Variants in VGLL4 observed in about 807,000 individuals in gnomAD.
The protein encoded by VGLL4 is vestigial like family member 4, also known as transcription cofactor vestigial-like protein 4.
A neutral mutation model predicts 21.0 loss-of-function variants in VGLL4; 7 were observed. That is an observed-to-expected ratio of 0.33 (90% CI 0.19 to 0.63). The LOEUF (loss-of-function observed/expected upper bound fraction) is 0.63. VGLL4 is among the 20% of genes least tolerant of loss of function. VGLL4 has a pLI of 0.78. For missense variants in VGLL4, 394 were observed against 425.7 expected, an observed-to-expected ratio of 0.93 and a Z score of 0.66; for synonymous variants, 222 against 173.2, an observed-to-expected ratio of 1.28 and a Z score of -2.21.
chr3:11,661,435 T>TTTTA (rs56380247), intron 2 of VGLL4, among the ~76,000 whole-genome samples: 11,786 of 148,054 alleles, frequency 0.08, 481 homozygotes, highest in African/African-American at 0.12. Flanking sequence ...ACATTTTTCC[T>TTTTA]TTTATTTATT....
chr3:11,675,725 G>A (rs1483291579), intron 2 of VGLL4, among the ~76,000 whole-genome samples: 1 of 152,118 alleles, frequency 6.6e-6, no homozygotes, highest in Non-Finnish European at 1.5e-5. Context: ...TTTCTTAAGA[G>A]ATTAGGCAAT....
At chr3:11,705,864 T>C (rs1457369343) in intron 1 of VGLL4, among the ~76,000 whole-genome samples, 5 of 149,314 alleles carry the variant, frequency 3.3e-5, no homozygotes, top group African/African-American at 1.2e-4. Flanking sequence ...GAGCTTGCAG[T>C]GAGCTGAGAT....
rs151220461 is a variant in VGLL4 at position 11,639,628 on chromosome 3, T to A, written c.82+3809A>T. Among the ~76,000 whole-genome samples, 397 of 152,318 alleles carry A rather than the reference T, an allele frequency of 2.6e-3. 1 individual carries two copies. The highest frequency in any genetic ancestry group is 6.8e-3 in the Middle Eastern group (2 of 294). ...TGGCTCACACCTGTAATCCCAGCAC[T>A]TTGGAAGGCCAAGGCGGGCGGATTA... On this transcript the variant is annotated intron_variant, in intron 1 of 4. Coordinates refer to ENST00000430365, the MANE Select transcript of VGLL4 (RefSeq NM_001128219.3).
chr3:11,634,288 G>C (rs2075543225), intron 1 of VGLL4, among the ~76,000 whole-genome samples: 1 of 152,136 alleles, frequency 6.6e-6, no homozygotes, highest in Non-Finnish European at 1.5e-5. Context: ...TGTAGGAGCT[G>C]GAAACCTGGG....
intron 1 of VGLL4, among the ~76,000 whole-genome samples, chr3:11,711,075 A>G (rs1375792892): frequency 4.0e-5 from 6 of 149,844 alleles, no homozygotes; most frequent in African/African-American, 1.5e-4. Context: ...ACTCAGCCTG[A>G]GCAACAGAGT....
chr3:11,681,817 G>A lies in VGLL4; in HGVS notation c.64+21154C>T, dbSNP rs1164840125. Among the ~76,000 whole-genome samples, 3 of 152,320 alleles carry A rather than the reference G, an allele frequency of 2.0e-5. No homozygotes were observed. In the East Asian group the frequency reaches 5.8e-4, roughly 29 times the overall value. The stretch of plus-strand genomic sequence containing the variant: ...GGAGCCAGCGAGTAAGATTCGAGAA[G>A]GGCGTTTCAGGCAGGGAGCATAGCT... On this transcript the variant is annotated intron_variant, in intron 2 of 5. Coordinates refer to the VGLL4 transcript ENST00000273038.
intron 1 of VGLL4, among the ~76,000 whole-genome samples, chr3:11,630,370 C>T (rs1048362123): frequency 2.6e-5 from 4 of 152,074 alleles, no homozygotes; most frequent in Admixed American, 1.3e-4. Flanking sequence ...CCTGGCCGGG[C>T]GTGGTGGCTC....
intron 2 of VGLL4, among the ~76,000 whole-genome samples, chr3:11,661,262 T>C (rs2076033569): frequency 4.0e-5 from 6 of 151,700 alleles, no homozygotes. Context: ...GAAAGAACGA[T>C]CCACATTGAA....
At chr3:11,698,042 G>A (rs966068562) in intron 2 of VGLL4, among the ~76,000 whole-genome samples, 4 of 152,160 alleles carry the variant, frequency 2.6e-5, no homozygotes, top group African/African-American at 4.8e-5. Flanking sequence ...GGAAGTCAGC[G>A]GATGCAATTA....
chr3:11,622,236 C>T (rs1033795157), intron 1 of VGLL4, among the ~76,000 whole-genome samples: 2 of 152,194 alleles, frequency 1.3e-5, no homozygotes, highest in Admixed American at 1.3e-4. Flanking sequence ...ATGCCATTAT[C>T]TTCCCATCCG....
intron 2 of VGLL4, among the ~76,000 whole-genome samples, chr3:11,684,581 A>G (rs1325187551): frequency 6.6e-6 from 1 of 151,870 alleles, no homozygotes; most frequent in Non-Finnish European, 1.5e-5. Flanking sequence ...GGGTTTTGCT[A>G]TTTTGCCCAG....
intron 1 of VGLL4, among the ~76,000 whole-genome samples, chr3:11,717,439 C>T (rs1559961654): frequency 6.7e-6 from 1 of 148,496 alleles, no homozygotes; most frequent in African/African-American, 2.5e-5. Context: ...CCACCAGAGA[C>T]TGGTAACAGG....
At chr3:11,601,783 G>C (rs746315752) in intron 2 of VGLL4, 50 bp downstream of exon 2, 18 of 1,585,084 alleles carry the variant, frequency 1.1e-5, no homozygotes, top group Non-Finnish European at 1.5e-5. Context: ...AAACAAATAA[G>C]GCCCCAGCAC....
intron 2 of VGLL4, among the ~76,000 whole-genome samples, chr3:11,679,688 A>G (rs2076343651): frequency 6.6e-6 from 1 of 152,184 alleles, no homozygotes; most frequent in African/African-American, 2.4e-5. Flanking sequence ...GGCTCAAAAA[A>G]AAGAAGAAAC....
At position 11,673,595 on chromosome 3, in the gene VGLL4, A is replaced by G. The variant is rs574888387; in HGVS notation, c.64+29376T>C. On this transcript the variant is annotated intron_variant, in intron 2 of 5. Coordinates refer to the VGLL4 transcript ENST00000273038. ...GATTGAAGGGGTTTACTGAGTGCCC[A>G]ATATAATAGTTGCTTTTTCTTCTAA... Among the ~76,000 whole-genome samples the G allele has an allele frequency of 1.5e-4, 23 of 152,272 alleles. 2 individuals carry two copies. Among genetic ancestry groups the G allele is most frequent in the African/African-American group, 5.3e-4 (22 of 41,516 alleles).
intron 2 of VGLL4, among the ~76,000 whole-genome samples, chr3:11,665,860 G>T (rs2076115666): frequency 6.6e-6 from 1 of 152,204 alleles, no homozygotes; most frequent in Admixed American, 6.5e-5. Flanking sequence ...GAAAGTGCAA[G>T]CAAGGCACAG....
chr3:11,587,689 A>C (rs547526887), intron 2 of VGLL4, among the ~76,000 whole-genome samples: 2 of 152,334 alleles, frequency 1.3e-5, no homozygotes, highest in South Asian at 4.1e-4. Context: ...CACCCAAAAG[A>C]AATGTCTGGT....
At chr3:11,662,124 G>A (rs1020426806) in intron 2 of VGLL4, among the ~76,000 whole-genome samples, 1 of 152,036 alleles carries the variant, frequency 6.6e-6, no homozygotes, top group Non-Finnish European at 1.5e-5. Context: ...ACATTATGTC[G>A]CCAGCTGCTA....
rs34115389 is a variant in VGLL4 at position 11,637,056 on chromosome 3, T to TAAA, written c.82+6378_82+6380dup. 6.2e-5 allele frequency among the ~76,000 whole-genome samples: 8 copies of TAAA among 129,358 alleles called. 1 individual carries two copies. Among genetic ancestry groups the TAAA allele is most frequent in the Admixed American group, 6.1e-4 (8 of 13,136 alleles). The allele number at this position is 129,358 out of a possible 152,430, so 84.9% of individuals were successfully genotyped here. A position where few individuals can be genotyped will look rare whatever the true frequency, so the allele number is the denominator to read the frequency against. On this transcript the variant is annotated intron_variant, in intron 1 of 4. Coordinates refer to ENST00000430365, the MANE Select transcript of VGLL4 (RefSeq NM_001128219.3). ...CATACAGGCATCTCCCTATACAGGG[T>TAAA]AAAAAAAAAAAAAAAGCTAGAATTT...
Sources: gnomAD v4.1 joint callset for allele counts (sites outside exome capture counted in the v4.1 genomes callset) on GRCh38, gnomAD v4.1.1 for gene constraint, MANE v1.5 for transcripts, NCBI Gene and HGNC (gene_info 2026-07-23, HGNC 2026-07-21) for gene names.